Variants in SLCO1C1 observed in about 807,000 individuals in gnomAD.
SLCO1C1 encodes the protein solute carrier organic anion transporter family member 1C1, also known as OAT-RP-5.
A neutral mutation model predicts 76.4 loss-of-function variants in SLCO1C1; 70 were observed. The ratio of observed to expected loss-of-function variants is 0.92; its 90% confidence interval spans 0.76 to 1.12. The LOEUF (loss-of-function observed/expected upper bound fraction) is 1.12, where lower values mean the gene tolerates loss of function less well. SLCO1C1 is among the 50% of genes most tolerant of loss of function. The probability of loss-of-function intolerance (pLI) is 0.00; values close to 1 mark genes in which losing one functional copy is unlikely to be tolerated. For missense variants in SLCO1C1, 912 were observed against 823.8 expected (o/e 1.11, Z -1.31); for synonymous variants, 306 against 286.1 (o/e 1.07, Z -0.70).
chr12:20,723,842 T>A (rs1258441878), intron 9 of SLCO1C1, among the ~76,000 whole-genome samples: 1 of 152,168 alleles, frequency 6.6e-6, no homozygotes, highest in East Asian at 1.9e-4. Flanking sequence ...GAACATGTCA[T>A]TTAATGTTAC....
intron 9 of SLCO1C1, among the ~76,000 whole-genome samples, chr12:20,726,821 T>C (rs1028971644): frequency 4.6e-5 from 7 of 152,156 alleles, no homozygotes; most frequent in African/African-American, 7.2e-5. Context: ...GTAGTGAGCA[T>C]AGTACCCAAT....
At chr12:20,707,634 T>C (rs540702519) in intron 4 of SLCO1C1, among the ~76,000 whole-genome samples, 1 of 152,174 alleles carries the variant, frequency 6.6e-6, no homozygotes, top group Non-Finnish European at 1.5e-5. Flanking sequence ...ACAGGTAAAA[T>C]GCTTATCAAG....
chr12:20,742,619 C>T (rs890797925), intron 12 of SLCO1C1, among the ~76,000 whole-genome samples: 22 of 152,064 alleles, frequency 1.4e-4, no homozygotes, highest in African/African-American at 4.6e-4. Context: ...CTGCAAGCTC[C>T]GCCTCTCGGG....
At chr12:20,727,171 T>C (rs1468858275) in intron 9 of SLCO1C1, among the ~76,000 whole-genome samples, 1 of 152,212 alleles carries the variant, frequency 6.6e-6, no homozygotes, top group Non-Finnish European at 1.5e-5. Context: ...TATGGGTGCA[T>C]GTGTCCTTTT....
At chr12:20,711,249 T>C in intron 4 of SLCO1C1, 137 bp from the exon 5 acceptor site, 1 of 955,588 alleles carries the variant, frequency 1.0e-6, no homozygotes, top group African/African-American at 1.7e-5. Context: ...TGTTAAACAC[T>C]GGCTTGATTT....
chr12:20,737,449 G>GA (rs1948603327), intron 11 of SLCO1C1, among the ~76,000 whole-genome samples, 177 bp downstream of exon 11: 1 of 152,124 alleles, frequency 6.6e-6, no homozygotes, highest in African/African-American at 2.4e-5. Context: ...TGGAGTTGCT[G>GA]AAAAAATTAG....
At chr12:20,703,955 C>CTGTGTGTGTGTGTGTG (rs146325219) in intron 3 of SLCO1C1, among the ~76,000 whole-genome samples, 77 of 140,374 alleles carry the variant, frequency 5.5e-4, no homozygotes, top group African/African-American at 1.8e-3. Flanking sequence ...TCGAGTGTGT[C>CTGTGTGTGTGTGTGTG]TGTGTGTGTG....
At chr12:20,751,395 TA>T (rs1177699160) in intron 14 of SLCO1C1, among the ~76,000 whole-genome samples, 1 of 146,668 alleles carries the variant, frequency 6.8e-6, no homozygotes, top group African/African-American at 2.4e-5. Context: ...CCTTATTGCT[TA>T]AAAAAATGCA....
At chr12:20,746,118 A>G (rs992453586) in intron 13 of SLCO1C1, among the ~76,000 whole-genome samples, 1 of 152,166 alleles carries the variant, frequency 6.6e-6, no homozygotes, top group African/African-American at 2.4e-5. Flanking sequence ...TAGAAAATGA[A>G]TAAGCTATCA....
intron 11 of SLCO1C1, among the ~76,000 whole-genome samples, chr12:20,737,783 G>A (rs751397337): frequency 1.8e-4 from 27 of 152,128 alleles, no homozygotes; most frequent in Non-Finnish European, 3.8e-4. Context: ...AATAATGAAA[G>A]GGCAGGTGGG....
At chr12:20,712,780 G>A (rs1204780038) in intron 5 of SLCO1C1, among the ~76,000 whole-genome samples, 2 of 151,902 alleles carry the variant, frequency 1.3e-5, no homozygotes, top group Non-Finnish European at 2.9e-5. Context: ...AGGGGCCAAA[G>A]GACTAAAAAC....
chr12:20,710,942 A>G (rs549781436), intron 4 of SLCO1C1, among the ~76,000 whole-genome samples: 3 of 152,058 alleles, frequency 2.0e-5, no homozygotes, highest in African/African-American at 4.8e-5. Flanking sequence ...ATTTTCTGTC[A>G]TTAATTGACT....
At chr12:20,734,545 A>T (rs1048594017) in intron 10 of SLCO1C1, among the ~76,000 whole-genome samples, 8 of 152,256 alleles carry the variant, frequency 5.3e-5, no homozygotes, top group Admixed American at 6.5e-5. Context: ...TATCCTCAAA[A>T]CACCTTTATG....
At chr12:20,703,131 C>G (rs1251636259) in intron 3 of SLCO1C1, among the ~76,000 whole-genome samples, 1 of 151,896 alleles carries the variant, frequency 6.6e-6, no homozygotes, top group East Asian at 1.9e-4. Flanking sequence ...TCCCAAACAT[C>G]ACAGGTTTGC....
Position 20,752,548 on chromosome 12 carries a change from C to T in SLCO1C1, c.*20C>T. On this transcript the variant is annotated 3_prime_UTR_variant, in exon 15 of 15. Transcript: ENST00000266509. ...CTTTAGAAACATGATGACTGGAAGT[C>T]ATGTCTTCTAATTGGTTGACATTTT... 3 of 1,541,564 alleles carry T rather than the reference C, an allele frequency of 1.9e-6. No individual in the cohort carries two copies. Among genetic ancestry groups the T allele is most frequent in the Non-Finnish European group, 2.6e-6 (3 of 1,138,940 alleles).
intron 9 of SLCO1C1, among the ~76,000 whole-genome samples, chr12:20,731,750 A>C (rs1352763119): frequency 6.6e-6 from 1 of 152,226 alleles, no homozygotes; most frequent in Non-Finnish European, 1.5e-5. Context: ...CAATCCAACA[A>C]ATGGCACCAA....
In SLCO1C1 at chr12:20,724,411, GTA is replaced by G. The variant is rs1168220832; in HGVS notation, c.1186+1197_1186+1198del. 8.2e-3 allele frequency among the ~76,000 whole-genome samples: 716 copies of G among 87,830 alleles called. 2 individuals carry two copies. The highest frequency in any genetic ancestry group is 0.019 in the East Asian group (53 of 2,832). 57.6% of individuals were successfully genotyped at this position (87,830 alleles called of 152,430 possible). A position where few individuals can be genotyped will look rare whatever the true frequency, so the allele number is the denominator to read the frequency against. On this transcript the variant is annotated intron_variant, in intron 9 of 14. Coordinates refer to ENST00000266509, the MANE Select transcript of SLCO1C1 (RefSeq NM_017435.5). ...ATATATAATGTGTGTGTGTGTGTGT[GTA>G]TATATATATATATATATATATATAT...
At chr12:20,696,814 T>C (rs567287811) in intron 1 of SLCO1C1, 2 of 152,206 alleles carry the variant, frequency 1.3e-5, no homozygotes, top group East Asian at 3.9e-4. Context: ...TGAGCTTCCT[T>C]CCCTCTCTTT....
chr12:20,715,441 T>C (rs1373153367), intron 6 of SLCO1C1, among the ~76,000 whole-genome samples, 156 bp downstream of exon 6: 2 of 152,178 alleles, frequency 1.3e-5, no homozygotes, highest in Non-Finnish European at 2.9e-5. Context: ...CAGTTCAGAT[T>C]TGGATGATGA....
Sources: allele counts gnomAD v4.1 joint callset (sites outside exome capture counted in the v4.1 genomes callset), GRCh38; gene constraint gnomAD v4.1.1; transcripts MANE v1.5; gene names NCBI Gene and HGNC (gene_info 2026-07-23, HGNC 2026-07-21).